Variants in PRR16 observed in about 807,000 individuals in gnomAD.
The protein encoded by PRR16 is protein Largen.
A neutral mutation model predicts 18.2 loss-of-function variants in PRR16; 6 were observed. The observed-to-expected ratio is 0.33, with a 90% CI of 0.18 to 0.65. The LOEUF (loss-of-function observed/expected upper bound fraction) is 0.65. Ranked by LOEUF, PRR16 falls within the 30% of genes least tolerant of loss-of-function variation. The probability of loss-of-function intolerance (pLI) is 0.74; values close to 1 mark genes in which losing one functional copy is unlikely to be tolerated. For missense variants in PRR16, 412 were observed against 376.6 expected (o/e 1.09, Z -0.78); for synonymous variants, 151 against 147.8 (o/e 1.02, Z -0.16).
chr5:120,700,972 T>C, the PRR16 span, among the ~76,000 whole-genome samples: 14 of 152,266 alleles, frequency 9.2e-5, no homozygotes, highest in African/African-American at 1.9e-4. Flanking sequence ...CAGTGGGGTC[T>C]CACACAGATG....
At position 120,558,484 on chromosome 5, in the gene PRR16, A is replaced by AT. The variant is rs534012197; in HGVS notation, c.159+93845dup. On this transcript the variant is annotated intron_variant, in intron 1 of 1. Coordinates refer to ENST00000407149, the MANE Select transcript of PRR16 (RefSeq NM_001300783.2). ...GTTGTAGAAAATACAGGATGTCATT[A>AT]TTTTTTGTGATTAAATAGTACTCCG... Among the ~76,000 whole-genome samples, 88 of 151,940 alleles carry AT rather than the reference A, an allele frequency of 5.8e-4. 3 individuals carry two copies. In the South Asian group the frequency reaches 0.017, roughly 30 times the overall value.
rs868000492 is a variant in PRR16, at chr5:120,567,293, G to A, written c.159+102648G>A. Among the ~76,000 whole-genome samples, 4 of 152,160 alleles carry A rather than the reference G, an allele frequency of 2.6e-5. No individual in the cohort carries two copies. In the South Asian group the frequency reaches 6.2e-4, roughly 24 times the overall value. On this transcript the variant is annotated intron_variant, in intron 1 of 1. Coordinates refer to ENST00000407149, the MANE Select transcript of PRR16 (RefSeq NM_001300783.2). ...CTGCAGCACAATCTGCTTGCCTAGG[G>A]TCCTGACAACCTGCCTACCTCTGAT... is the stretch of plus-strand genomic sequence containing the variant.
chr5:120,693,110 A>G, the PRR16 span, among the ~76,000 whole-genome samples: 5 of 152,198 alleles, frequency 3.3e-5, no homozygotes, highest in Admixed American at 6.5e-5. Flanking sequence ...GATGATGTAA[A>G]TTATGATATA....
intron 1 of PRR16, among the ~76,000 whole-genome samples, chr5:120,670,506 A>G (rs962373534): frequency 3.3e-5 from 5 of 152,144 alleles, no homozygotes; most frequent in African/African-American, 1.2e-4. Context: ...GTGAGAGCAA[A>G]TGGTTAGAAA....
At chr5:120,736,307 C>A in the PRR16 span, among the ~76,000 whole-genome samples, 1 of 152,118 alleles carries the variant, frequency 6.6e-6, no homozygotes, top group Non-Finnish European at 1.5e-5. Context: ...GTCTGTCACC[C>A]AGGTTGGAGT....
intron 1 of PRR16, among the ~76,000 whole-genome samples, chr5:120,656,019 C>T (rs2150135033): frequency 6.6e-6 from 1 of 151,870 alleles, no homozygotes; most frequent in East Asian, 2.0e-4. Flanking sequence ...CATGCAGTTG[C>T]CACCAGGTGG....
the PRR16 span, among the ~76,000 whole-genome samples, chr5:120,740,347 T>C: frequency 6.6e-6 from 1 of 152,208 alleles, no homozygotes; most frequent in East Asian, 1.9e-4. Flanking sequence ...CTACATTTTC[T>C]TTATGGCTTT....
intron 1 of PRR16, among the ~76,000 whole-genome samples, chr5:120,621,899 C>G (rs911523965): frequency 1.3e-5 from 2 of 152,156 alleles, no homozygotes; most frequent in African/African-American, 4.8e-5. Flanking sequence ...GGAAAACAGA[C>G]TAATACAACA....
chr5:120,750,496 T>TAA, the PRR16 span, among the ~76,000 whole-genome samples: 1 of 146,108 alleles, frequency 6.8e-6, no homozygotes. Context: ...CTGTCTCTAC[T>TAA]AAAAAAAAAA....
At chr5:120,780,626 T>G in the PRR16 span, among the ~76,000 whole-genome samples, 1 of 152,200 alleles carries the variant, frequency 6.6e-6, no homozygotes, top group Admixed American at 6.5e-5. Context: ...AATCCCAAAT[T>G]AAGTCTGAGC....
intron 1 of PRR16, among the ~76,000 whole-genome samples, chr5:120,637,778 T>C (rs1413415906): frequency 6.6e-6 from 1 of 152,078 alleles, no homozygotes; most frequent in East Asian, 1.9e-4. Context: ...TCACTTGCAG[T>C]GAGCTGCATT....
At chr5:120,794,449 A>G in the PRR16 span, among the ~76,000 whole-genome samples, 1 of 152,112 alleles carries the variant, frequency 6.6e-6, no homozygotes, top group Non-Finnish European at 1.5e-5. Context: ...CATCATTAGT[A>G]TATTGATATT....
chr5:120,710,780 T>G, the PRR16 span: 3 of 152,316 alleles, frequency 2.0e-5, no homozygotes, highest in South Asian at 6.2e-4. Context: ...AAGTTTTCAG[T>G]TAGCAAGAAT....
intron 1 of PRR16, among the ~76,000 whole-genome samples, chr5:120,660,989 G>A (rs1756154796): frequency 6.6e-6 from 1 of 152,048 alleles, no homozygotes; most frequent in South Asian, 2.1e-4. Flanking sequence ...TTAGATCTTT[G>A]AGAGTTTCTG....
At chr5:120,701,885 G>GA in the PRR16 span, among the ~76,000 whole-genome samples, 2 of 152,164 alleles carry the variant, frequency 1.3e-5, no homozygotes, top group African/African-American at 4.8e-5. Context: ...TTGCAGGATG[G>GA]AAAAATTCAA....
the PRR16 span, among the ~76,000 whole-genome samples, chr5:120,700,766 G>A: frequency 5.3e-5 from 8 of 152,126 alleles, no homozygotes; most frequent in East Asian, 1.9e-4. Context: ...AGAAGGGGAC[G>A]GGCTTGCCTT....
intron 1 of PRR16, among the ~76,000 whole-genome samples, chr5:120,505,384 A>G (rs932837314): frequency 6.6e-6 from 1 of 152,206 alleles, no homozygotes; most frequent in Non-Finnish European, 1.5e-5. Flanking sequence ...CTTAAAAGGT[A>G]TTGAATGTGG....
At chr5:120,777,386 A>G in the PRR16 span, among the ~76,000 whole-genome samples, 1 of 152,030 alleles carries the variant, frequency 6.6e-6, no homozygotes, top group Admixed American at 6.6e-5. Flanking sequence ...TATTTTGTAT[A>G]TTTTATTTTG....
At chr5:120,563,749 A>G (rs929421544) in intron 1 of PRR16, among the ~76,000 whole-genome samples, 4 of 152,102 alleles carry the variant, frequency 2.6e-5, no homozygotes, top group Non-Finnish European at 5.9e-5. Context: ...GCTGCTATCT[A>G]TCTGATATTT....
Sources: allele counts gnomAD v4.1 joint callset (sites outside exome capture counted in the v4.1 genomes callset), GRCh38; gene constraint gnomAD v4.1.1; transcripts MANE v1.5; gene names NCBI Gene and HGNC (gene_info 2026-07-23, HGNC 2026-07-21).